The following MGRN1 variants were observed in gnomAD, a reference collection of about 807,000 sequenced individuals.
MGRN1 encodes the protein E3 ubiquitin-protein ligase MGRN1.
In MGRN1, 29 loss-of-function variants were observed where a neutral mutation model predicts 69.2. That is an observed-to-expected ratio of 0.42 (90% CI 0.31 to 0.57). The LOEUF is 0.57. Among genes scored for constraint, MGRN1 ranks in the 20% least tolerant of loss-of-function variants. The probability of loss-of-function intolerance (pLI) is 0.15; values close to 1 mark genes in which losing one functional copy is unlikely to be tolerated. For missense variants in MGRN1, 998 were observed against 796.2 expected, an observed-to-expected ratio of 1.25 and a Z score of -3.05; for synonymous variants, 470 against 344.2, an observed-to-expected ratio of 1.37 and a Z score of -4.04.
At position 4,682,889 on chromosome 16, in the gene MGRN1, C is replaced by T. The variant is rs61734738; in HGVS notation, c.1425C>T (p.Asp475=). ...EDEEKLSEDV[D]APPPLGGAEL... is the part of the protein sequence containing the mutation. ...AGGAGAAGCTCTCCGAGGACGTGGA[C>T]GCCCCTCCCCCACTGGGTGGCGCAG... The change falls in exon 14 of 17, where the codon GAC becomes GAT. Residue 475 remains aspartate, a synonymous_variant. Transcript: ENST00000262370. The T allele has an allele frequency of 3.2e-4, 517 of 1,609,162 alleles. No individual in the cohort carries two copies. Among genetic ancestry groups the T allele is most frequent in the Non-Finnish European group, 4.1e-4 (485 of 1,176,824 alleles).
intron 1 of MGRN1, among the ~76,000 whole-genome samples, chr16:4,628,816 A>G (rs1391934137): frequency 6.6e-6 from 1 of 151,166 alleles, no homozygotes; most frequent in East Asian, 1.9e-4. Context: ...AAGTGCTAGG[A>G]TTACAGGTGT....
At chr16:4,655,380 G>C (rs2078511209) in intron 4 of MGRN1, among the ~76,000 whole-genome samples, 1 of 152,228 alleles carries the variant, frequency 6.6e-6, no homozygotes, top group Non-Finnish European at 1.5e-5. Context: ...CTAGACCCCT[G>C]CGGGCTAGTG....
chr16:4,628,188 C>T (rs566560442), intron 1 of MGRN1, among the ~76,000 whole-genome samples: 1 of 151,872 alleles, frequency 6.6e-6, no homozygotes, highest in South Asian at 2.1e-4. Flanking sequence ...AGATCGAGAC[C>T]ATCCTGGCTA....
At chr16:4,671,191 G>T (rs2078929212) in intron 8 of MGRN1, 200 bp from the exon 9 acceptor site, 2 of 602,934 alleles carry the variant, frequency 3.3e-6, no homozygotes, top group Admixed American at 5.8e-5. Context: ...ACCGGCTCCA[G>T]CCCTGTTCCA....
intron 13 of MGRN1, 23 bp downstream of exon 13, chr16:4,681,799 G>A (rs762248923): frequency 6.2e-7 from 1 of 1,601,750 alleles, no homozygotes; most frequent in Non-Finnish European, 8.5e-7. Flanking sequence ...CAGGCCAGGT[G>A]CATGGCAGGG....
chr16:4,630,281 CGCG>C, intron 1 of MGRN1, among the ~76,000 whole-genome samples: 1 of 143,416 alleles, frequency 7.0e-6, no homozygotes, highest in South Asian at 2.3e-4. Flanking sequence ...GAACCCGGAG[CGCG>C]GCAGAGGTTG....
chr16:4,656,283 C>T (rs951980052), intron 4 of MGRN1, among the ~76,000 whole-genome samples: 4 of 152,206 alleles, frequency 2.6e-5, no homozygotes, highest in South Asian at 2.1e-4. Flanking sequence ...ATGTTGGTGA[C>T]CATCTGCTGG....
At chr16:4,660,859 A>G (rs1421323436) in intron 5 of MGRN1, among the ~76,000 whole-genome samples, 1 of 152,162 alleles carries the variant, frequency 6.6e-6, no homozygotes, top group Non-Finnish European at 1.5e-5. Context: ...CAGACCGGGG[A>G]AGGGAGTGTC....
intron 9 of MGRN1, among the ~76,000 whole-genome samples, chr16:4,671,886 T>C (rs757418671): frequency 3.9e-5 from 6 of 152,160 alleles, no homozygotes; most frequent in Admixed American, 6.5e-5. Context: ...TCAGGGAATG[T>C]AGCAGGGGAT....
At chr16:4,682,589 C>T (rs2079213424) in intron 13 of MGRN1, among the ~76,000 whole-genome samples, 1 of 152,226 alleles carries the variant, frequency 6.6e-6, no homozygotes, top group Non-Finnish European at 1.5e-5. Context: ...GAAGGCTAGG[C>T]CCGTGCCAGT....
At chr16:4,657,624 T>A (rs898599946) in intron 5 of MGRN1, among the ~76,000 whole-genome samples, 9 of 151,864 alleles carry the variant, frequency 5.9e-5, no homozygotes, top group African/African-American at 2.2e-4. Flanking sequence ...TGGGGAGATG[T>A]GAAGAATGGG....
intron 8 of MGRN1, among the ~76,000 whole-genome samples, chr16:4,670,503 A>C (rs374312862): frequency 3.3e-5 from 5 of 152,324 alleles, no homozygotes; most frequent in African/African-American, 1.2e-4. Flanking sequence ...TCGGCCTCCT[A>C]CTAAAGTGCT....
At chr16:4,653,155 G>A (rs1398567576) in intron 4 of MGRN1, among the ~76,000 whole-genome samples, 1 of 152,156 alleles carries the variant, frequency 6.6e-6, no homozygotes, top group Non-Finnish European at 1.5e-5. Flanking sequence ...TCAGCAACCA[G>A]CCATAAATCA....
intron 10 of MGRN1, chr16:4,677,079 T>G: frequency 5.9e-6 from 1 of 168,876 alleles, no homozygotes; most frequent in Non-Finnish European, 1.3e-5. Flanking sequence ...GGTGTGACGC[T>G]TTGGGGGTCA....
At position 4,688,754 on chromosome 16, in the gene MGRN1, G is replaced by A. The variant is rs764666492; in HGVS notation, c.1619-42G>A. Reference sequence around the variant, plus strand: ...GGTAGGAGCGGGTGGCGTGGCACCAGGCATCCGAGTGTGACCCTCCTCCCT... The same window carrying A: ...GGTAGGAGCGGGTGGCGTGGCACCAAGCATCCGAGTGTGACCCTCCTCCCT... On this transcript the variant is annotated intron_variant, in intron 16 of 16. Coordinates refer to ENST00000262370, the MANE Select transcript of MGRN1 (RefSeq NM_015246.4). 2.6e-6 allele frequency: 4 copies of A among 1,513,024 alleles called. No homozygotes were observed. The African/African-American group carries it at 5.5e-5, about 21-fold the overall frequency. 93.7% of individuals were successfully genotyped at this position (1,513,024 alleles called of 1,614,324 possible). A position where few individuals can be genotyped will look rare whatever the true frequency, so the allele number is the denominator to read the frequency against.
rs1157518931 is a variant in MGRN1 at position 4,657,738 on chromosome 16, CTTTTTTTTTT to C, written c.561+393_561+402del. On this transcript the variant is annotated intron_variant, in intron 5 of 16. Transcript: ENST00000262370. ...TGTTTAAAATCTTGGTGCAGACATC[CTTTTTTTTTT>C]TTTTTTTTTTTTTTTTTGAGACAGT... 7.8e-5 allele frequency among the ~76,000 whole-genome samples: 6 copies of C among 76,998 alleles called. No individual in the cohort carries two copies. The East Asian group carries it at 9.0e-4, about 12-fold the overall frequency. 50.5% of individuals were successfully genotyped at this position (76,998 alleles called of 152,430 possible).
At chr16:4,675,196 C>T (rs1236251999) in intron 10 of MGRN1, among the ~76,000 whole-genome samples, 1 of 151,558 alleles carries the variant, frequency 6.6e-6, no homozygotes, top group Non-Finnish European at 1.5e-5. Context: ...TGGTCTGAAG[C>T]TCCTGACCTC....
intron 11 of MGRN1, among the ~76,000 whole-genome samples, chr16:4,679,087 T>C (rs1259823353): frequency 6.6e-6 from 1 of 152,210 alleles, no homozygotes; most frequent in Non-Finnish European, 1.5e-5. Flanking sequence ...GTGGGGCTCC[T>C]GGCACCACGC....
chr16:4,662,769 C>A (rs908006752), intron 5 of MGRN1, among the ~76,000 whole-genome samples: 2 of 152,186 alleles, frequency 1.3e-5, no homozygotes, highest in Non-Finnish European at 2.9e-5. Flanking sequence ...GCCCACTTCA[C>A]GGGGGGACAG....
Sources: allele counts gnomAD v4.1 joint callset (sites outside exome capture counted in the v4.1 genomes callset), GRCh38; gene constraint gnomAD v4.1.1; transcripts MANE v1.5; gene names NCBI Gene and HGNC (gene_info 2026-07-23, HGNC 2026-07-21).